The following TEAD1 variants were observed in gnomAD, a reference collection of about 807,000 sequenced individuals.
TEAD1 encodes TEA domain transcription factor 1, also known as transcriptional enhancer factor TEF-1.
In TEAD1, 9 loss-of-function variants were observed where a neutral mutation model predicts 54.9. The observed-to-expected ratio is 0.16, with a 90% CI of 0.10 to 0.29. The LOEUF is 0.29. Among genes scored for constraint, TEAD1 ranks in the 10% least tolerant of loss-of-function variants. The pLI, the probability that TEAD1 is intolerant of heterozygous loss-of-function variation, is 1.00. For synonymous variants in TEAD1, 200 were observed against 187.8 expected (o/e 1.07, Z -0.53); for missense variants, 387 against 535.9 (o/e 0.72, Z 2.74).
chr11:12,688,917 T>TAA (rs1328701519), intron 2 of TEAD1, among the ~76,000 whole-genome samples: 1 of 151,980 alleles, frequency 6.6e-6, no homozygotes, highest in African/African-American at 2.4e-5. Flanking sequence ...TGACTGGGGG[T>TAA]CATTTATTTG....
At chr11:12,915,490 T>C (rs1948694119) in intron 10 of TEAD1, among the ~76,000 whole-genome samples, 1 of 152,228 alleles carries the variant, frequency 6.6e-6, no homozygotes, top group African/African-American at 2.4e-5. Context: ...AGGGTCAGTC[T>C]TTGGAGAGTG....
intron 3 of TEAD1, among the ~76,000 whole-genome samples, chr11:12,812,603 ATCT>A (rs1324808644): frequency 3.9e-5 from 6 of 152,226 alleles, no homozygotes; most frequent in Non-Finnish European, 8.8e-5. Context: ...ACTGGTATTC[ATCT>A]TCTTCCAGAT....
In TEAD1 at chr11:12,727,720, G is replaced by A. The variant is rs1944342038; in HGVS notation, c.-54-36459G>A. Among the ~76,000 whole-genome samples, 2 of 152,164 alleles carry A rather than the reference G, an allele frequency of 1.3e-5. 1 individual carries two copies. The highest frequency in any genetic ancestry group is 1.3e-4 in the Admixed American group (2 of 15,272). On this transcript the variant is annotated intron_variant, in intron 2 of 12. Coordinates refer to ENST00000527636, the MANE Select transcript of TEAD1 (RefSeq NM_021961.6). ...CATTCAGCACAGAATGAATTACAGA[G>A]TGGGAGTGGATCTGTGTGAGATGCC... is the stretch of plus-strand genomic sequence containing the variant.
intron 2 of TEAD1, among the ~76,000 whole-genome samples, chr11:12,719,480 G>T (rs751303975): frequency 2.9e-4 from 43 of 147,484 alleles, no homozygotes; most frequent in Non-Finnish European, 4.6e-4. Context: ...ACACATTGCG[G>T]CTCTCTACCT....
chr11:12,768,340 C>A (rs1004513584), intron 3 of TEAD1, among the ~76,000 whole-genome samples: 4 of 152,190 alleles, frequency 2.6e-5, no homozygotes, highest in South Asian at 2.1e-4. Context: ...AACACCACCA[C>A]CCCCTGCAAT....
At chr11:12,857,733 A>G (rs910648812) in intron 3 of TEAD1, among the ~76,000 whole-genome samples, 1 of 152,062 alleles carries the variant, frequency 6.6e-6, no homozygotes, top group African/African-American at 2.4e-5. Flanking sequence ...TAGTAACATG[A>G]TCAAAATCCA....
intron 3 of TEAD1, among the ~76,000 whole-genome samples, chr11:12,802,597 C>G (rs1946081831): frequency 6.6e-6 from 1 of 152,192 alleles, no homozygotes; most frequent in Admixed American, 6.5e-5. Flanking sequence ...TCTGCATTCC[C>G]TGTGCCACTT....
intron 2 of TEAD1, among the ~76,000 whole-genome samples, chr11:12,679,892 CTG>C (rs1943179389): frequency 6.6e-6 from 1 of 152,126 alleles, no homozygotes; most frequent in Non-Finnish European, 1.5e-5. Context: ...AAGAAAGAGA[CTG>C]TTTTTTTGCT....
Position 12,883,085 on chromosome 11 carries a change from A to G in TEAD1, c.659A>G (p.Glu220Gly). Residue 220 changes from glutamate (E) to glycine (G), a missense_variant, in exon 9 of 13, where the codon GAA becomes GGA. By Grantham distance (98) the Glu-to-Gly change is moderately conservative (BLOSUM62 -2). Transcript: ENST00000527636. The stretch of plus-strand genomic sequence containing the variant: ...GGCACAACCAAGCTTCGCCTGGTGG[A>G]ATTTTCAGCTTTTCTCGAGCAGCAG... 3 of 1,614,080 alleles carry G rather than the reference A, an allele frequency of 1.9e-6. No individual in the cohort carries two copies. The highest frequency in any genetic ancestry group is 2.5e-6 in the Non-Finnish European group (3 of 1,180,028).
intron 3 of TEAD1, among the ~76,000 whole-genome samples, chr11:12,805,843 C>T (rs981475240): frequency 1.3e-5 from 2 of 152,138 alleles, no homozygotes; most frequent in African/African-American, 4.8e-5. Flanking sequence ...TTTACAGCTC[C>T]GTTTGTTGCT....
At chr11:12,680,724 A>G (rs1197171679) in intron 2 of TEAD1, among the ~76,000 whole-genome samples, 2 of 152,148 alleles carry the variant, frequency 1.3e-5, no homozygotes, top group African/African-American at 2.4e-5. Flanking sequence ...CCCTACTGGG[A>G]TAGGGGGAGG....
At chr11:12,935,867 GA>G (rs1161268721) in intron 12 of TEAD1, among the ~76,000 whole-genome samples, 1 of 151,930 alleles carries the variant, frequency 6.6e-6, no homozygotes, top group Non-Finnish European at 1.5e-5. Flanking sequence ...ATGGATATTA[GA>G]AAAAAAATTG....
chr11:12,677,941 C>T (rs779513685), intron 2 of TEAD1, among the ~76,000 whole-genome samples: 8 of 152,092 alleles, frequency 5.3e-5, no homozygotes, highest in Non-Finnish European at 8.8e-5. Flanking sequence ...TGTGTCTTAT[C>T]ACTCAAGGTT....
intron 3 of TEAD1, among the ~76,000 whole-genome samples, chr11:12,808,729 T>A (rs777442073): frequency 3.3e-5 from 5 of 152,216 alleles, no homozygotes; most frequent in Non-Finnish European, 5.9e-5. Flanking sequence ...TAGGCACAGC[T>A]GCAATTTCTC....
At position 12,937,396 on chromosome 11, in the gene TEAD1, A is replaced by T; in HGVS notation, c.*174A>T. 1.8e-6 allele frequency: 1 copy of T among 555,120 alleles called. No individual in the cohort carries two copies. Among genetic ancestry groups the T allele is most frequent in the East Asian group, 3.2e-5 (1 of 31,736 alleles). The allele number at this position is 555,120 out of a possible 1,614,324, so 34.4% of individuals were successfully genotyped here. On this transcript the variant is annotated 3_prime_UTR_variant, in exon 13 of 13. Coordinates refer to ENST00000527636, the MANE Select transcript of TEAD1 (RefSeq NM_021961.6). ...CTTGTTTGAGTGAAGTCATTTTTTCATGTGTTCATACTATCATTGTAGCTG... is the reference window on the plus strand; with the variant it reads ...CTTGTTTGAGTGAAGTCATTTTTTCTTGTGTTCATACTATCATTGTAGCTG...
At chr11:12,856,919 T>TACCC (rs1947395206) in intron 3 of TEAD1, among the ~76,000 whole-genome samples, 1 of 152,170 alleles carries the variant, frequency 6.6e-6, no homozygotes, top group Non-Finnish European at 1.5e-5. Flanking sequence ...AAGTGGCTCT[T>TACCC]ACACTGTTAA....
intron 2 of TEAD1, among the ~76,000 whole-genome samples, chr11:12,723,385 G>C (rs1008556084): frequency 6.6e-6 from 1 of 152,154 alleles, no homozygotes; most frequent in African/African-American, 2.4e-5. Context: ...CAGATTTTCT[G>C]TGTAGAGCTT....
intron 2 of TEAD1, among the ~76,000 whole-genome samples, chr11:12,700,722 G>T (rs934766613): frequency 1.3e-5 from 2 of 152,084 alleles, no homozygotes; most frequent in Non-Finnish European, 2.9e-5. Flanking sequence ...TTATAATACT[G>T]TTGCTTTTGC....
At chr11:12,821,960 C>CTTTTTTTTT (rs1590184847) in intron 3 of TEAD1, among the ~76,000 whole-genome samples, 1 of 38,310 alleles carries the variant, frequency 2.6e-5, no homozygotes, top group Admixed American at 4.4e-4. Flanking sequence ...TTTCTCTTTT[C>CTTTTTTTTT]CTTTTTTTTT....
Sources: gnomAD v4.1 joint callset for allele counts (sites outside exome capture counted in the v4.1 genomes callset) on GRCh38, gnomAD v4.1.1 for gene constraint, MANE v1.5 for transcripts, NCBI Gene and HGNC (gene_info 2026-07-23, HGNC 2026-07-21) for gene names.